Variants in PGAP6 observed in about 807,000 individuals in gnomAD.
PGAP6 encodes the protein post-GPI attachment to proteins factor 6.
PGAP6 carries 62 observed loss-of-function variants against 68.4 expected under a neutral mutation model. That is an observed-to-expected ratio of 0.91 (90% CI 0.74 to 1.12). The LOEUF (loss-of-function observed/expected upper bound fraction) is 1.12, where lower values mean the gene tolerates loss of function less well. Ranked by LOEUF, PGAP6 falls within the 50% of genes most tolerant of loss-of-function variation. The pLI, the probability that PGAP6 is intolerant of heterozygous loss-of-function variation, is 0.00. For missense variants in PGAP6, 1,188 were observed against 1,068.5 expected (o/e 1.11, Z -1.56); for synonymous variants, 575 against 474.0 (o/e 1.21, Z -2.77).
chr16:374,167 A>C lies in PGAP6; in HGVS notation c.1756-16T>G. 1 of 1,610,628 alleles carries C rather than the reference A, an allele frequency of 6.2e-7. No homozygotes were observed. The highest frequency in any genetic ancestry group is 8.5e-7 in the Non-Finnish European group (1 of 1,179,884). ...CGTGGTAGAACTGTGGGGAGGCTCC[A>C]TGAGCGCGGTCCTGCCCTCCCACCC... On this transcript the variant is annotated splice_polypyrimidine_tract_variant and intron_variant, in intron 10 of 12. Coordinates refer to ENST00000431232, the MANE Select transcript of PGAP6 (RefSeq NM_021259.3).
intron 11 of PGAP6, among the ~76,000 whole-genome samples, chr16:373,015 C>T (rs984900467): frequency 6.6e-6 from 1 of 152,200 alleles, no homozygotes; most frequent in Non-Finnish European, 1.5e-5. Context: ...TCTGCACCCA[C>T]ACACTCACTA....
rs1161976826 is a variant in PGAP6, at chr16:371,748, G to C, written c.*239C>G. 5.8e-6 allele frequency: 3 copies of C among 517,366 alleles called. No homozygotes were observed. Among genetic ancestry groups the C allele is most frequent in the South Asian group, 2.2e-5 (1 of 45,808 alleles). The allele number at this position is 517,366 out of a possible 1,614,324, so 32.0% of individuals were successfully genotyped here. On this transcript the variant is annotated 3_prime_UTR_variant, in exon 13 of 13. Coordinates refer to ENST00000431232, the MANE Select transcript of PGAP6 (RefSeq NM_021259.3). ...AAGTAACCAAGCCCAGGCCCCAGGG[G>C]CCACTGCAGACAGCAGCTGGGATCT...
Position 376,418 on chromosome 16 carries a change from C to T in PGAP6, c.942G>A (p.Leu314=). 1.3e-6 allele frequency: 2 copies of T among 1,594,174 alleles called. No individual in the cohort carries two copies. The highest frequency in any genetic ancestry group is 2.7e-5 in the African/African-American group (2 of 74,786). ...RPRSVTIQPL[L]QSSQNQSFNA... is the part of the protein sequence containing the mutation. ...TGAAGCTCTGGTTTTGGCTGCTCTG[C>T]AGAAGGGGCTGGATGGTCACGCTCC... The change falls in exon 6 of 13, where the codon CTG becomes CTA. Residue 314 remains leucine, a synonymous_variant. Transcript: ENST00000431232.
At chr16:377,190 G>C (rs374914274) in intron 3 of PGAP6, 26 bp from the exon 4 acceptor site, 18 of 1,612,326 alleles carry the variant, frequency 1.1e-5, no homozygotes, top group African/African-American at 1.3e-5. Flanking sequence ...GTGTGGGCGG[G>C]GGCGGTGTCA....
In PGAP6 at chr16:377,159, C is replaced by G. The variant is rs750301742; in HGVS notation, c.513G>C (p.Leu171Phe). Reference protein sequence around the residue: ...PSSQKIELKGLAPTCAYVFQP... With the variant: ...PSSQKIELKGFAPTCAYVFQP... Reference sequence around the variant, plus strand: ...GGAAGACGTAGGCACAGGTGGGAGCCAAGCCCTAGGGAAAGAACAGGTGTG... The same window carrying G: ...GGAAGACGTAGGCACAGGTGGGAGCGAAGCCCTAGGGAAAGAACAGGTGTG... The change falls in exon 4 of 13, where the codon TTG becomes TTC. Residue 171 changes from leucine to phenylalanine, a missense_variant. Physicochemically the swap from Leu to Phe is conservative, Grantham distance 22. Coordinates refer to ENST00000431232, the MANE Select transcript of PGAP6 (RefSeq NM_021259.3). 7.1e-5 allele frequency: 114 copies of G among 1,613,342 alleles called. No individual in the cohort carries two copies. The highest frequency in any genetic ancestry group is 9.7e-5 in the Non-Finnish European group (114 of 1,180,020).
chr16:378,332 G>A (rs796514784), intron 1 of PGAP6, among the ~76,000 whole-genome samples: 9 of 28,000 alleles, frequency 3.2e-4, no homozygotes, highest in Non-Finnish European at 5.2e-4. Context: ...ATCGCCACCC[G>A]CACTGCCATC....
chr16:378,346 ACTCTGACTGCCATC>A, intron 1 of PGAP6, among the ~76,000 whole-genome samples: 2 of 108,122 alleles, frequency 1.8e-5, no homozygotes, highest in Admixed American at 9.0e-5. Flanking sequence ...TGCCATCGCC[ACTCTGACTGCCATC>A]CCCACCCGCA....
At position 376,587 on chromosome 16, in the gene PGAP6, C is replaced by T; in HGVS notation, c.861G>A (p.Gly287=). The part of the protein sequence containing the change: ...WLQVTAESLV[G]PLGTVAFSAV... The stretch of plus-strand genomic sequence containing the variant: ...CACTGAAAGCCACTGTCCCGAGGGG[C>T]CCCACCAGGCTCTCAGCTGTCACTT... Residue 287 remains glycine (G), a synonymous_variant, in exon 5 of 13, where the codon GGG becomes GGA. Coordinates refer to ENST00000431232, the MANE Select transcript of PGAP6 (RefSeq NM_021259.3). 1 of 1,577,064 alleles carries T rather than the reference C, an allele frequency of 6.3e-7. No individual in the cohort carries two copies. Among genetic ancestry groups the T allele is most frequent in the Non-Finnish European group, 8.6e-7 (1 of 1,161,296 alleles).
In PGAP6 at chr16:374,246, T is replaced by C. The variant is rs2054359764; in HGVS notation, c.1730A>G (p.Tyr577Cys). The change falls in exon 10 of 13, where the codon TAC becomes TGC. Residue 577 changes from tyrosine (Y) to cysteine (C), a missense_variant. Transcript: ENST00000431232. Reference sequence around the variant, plus strand: ...CGTGGAGAAGAACATGGTGTAGGCGTAGACGGAGGCCTCCACCAGGAAGAA... The same window carrying C: ...CGTGGAGAAGAACATGGTGTAGGCGCAGACGGAGGCCTCCACCAGGAAGAA... Reference protein sequence around the residue: ...RRFFLVEASVYAYTMFFSTFY... With the variant: ...RRFFLVEASVCAYTMFFSTFY... 2 of 1,608,702 alleles carry C rather than the reference T, an allele frequency of 1.2e-6. No homozygotes were observed. Among genetic ancestry groups the C allele is most frequent in the East Asian group, 2.2e-5 (1 of 44,854 alleles).
At position 376,156 on chromosome 16, in the gene PGAP6, T is replaced by G; in HGVS notation, c.1204A>C (p.Ile402Leu). Residue 402 changes from isoleucine (I) to leucine (L), a missense_variant, in exon 6 of 13, where the codon ATC becomes CTC. Ile to Leu is a conservative substitution (Grantham distance 5, BLOSUM62 2). Coordinates refer to ENST00000431232, the MANE Select transcript of PGAP6 (RefSeq NM_021259.3). Reference sequence around the variant, plus strand: ...GGTACCTTGTTGGCCCGCAGGGAGATGGTGAGGGAACCCCCGCTGTCCATG... The same window carrying G: ...GGTACCTTGTTGGCCCGCAGGGAGAGGGTGAGGGAACCCCCGCTGTCCATG... ...TGMDSGGSLT[I>L]SLRANKTEMR... 5.0e-6 allele frequency: 8 copies of G among 1,605,498 alleles called. No individual in the cohort carries two copies. Among genetic ancestry groups the G allele is most frequent in the Non-Finnish European group, 6.8e-6 (8 of 1,174,758 alleles).
intron 6 of PGAP6, 100 bp from the exon 7 acceptor site, chr16:375,535 T>A (rs1597160265): frequency 1.4e-6 from 1 of 693,508 alleles, no homozygotes; most frequent in East Asian, 3.7e-5. Context: ...GTGCCTTTCT[T>A]TTTTTTTTTT....
Position 372,168 on chromosome 16 carries a change from A to G in PGAP6, c.2135T>C (p.Met712Thr), listed in dbSNP as rs141972304. The change falls in exon 13 of 13, where the codon ATG (methionine) becomes ACG (threonine). Residue 712 changes from methionine to threonine, a missense_variant. Coordinates refer to ENST00000431232, the MANE Select transcript of PGAP6 (RefSeq NM_021259.3). ...ASVGIAIYTS[M>T]MTSDNYYYTH... ...GTAGTAGTAGTTGTCGCTAGTCATC[A>G]TGGAGGTGTAGATGGCGATGCCCAC... 1.3e-3 allele frequency: 2,036 copies of G among 1,612,856 alleles called. 28 individuals carry two copies. The African/African-American group carries it at 0.023, about 19-fold the overall frequency.
chr16:380,765 C>A (rs2054429982), intron 1 of PGAP6, among the ~76,000 whole-genome samples: 1 of 145,938 alleles, frequency 6.9e-6, no homozygotes, highest in Non-Finnish European at 1.5e-5. Context: ...CCGAAAGAAA[C>A]AGGAGCTCAA....
At chr16:381,155 T>C (rs1014168804) in intron 1 of PGAP6, among the ~76,000 whole-genome samples, 5 of 151,982 alleles carry the variant, frequency 3.3e-5, no homozygotes, top group Non-Finnish European at 7.4e-5. Context: ...CCTCAGCCCC[T>C]CTTCCGCCAG....
In PGAP6 at chr16:379,649, C is replaced by G. The variant is rs531425705; in HGVS notation, c.122-1801G>C. 1.1e-3 allele frequency among the ~76,000 whole-genome samples: 162 copies of G among 152,322 alleles called. 1 individual carries two copies. The highest frequency in any genetic ancestry group is 2.4e-3 in the Admixed American group (36 of 15,308). On this transcript the variant is annotated intron_variant, in intron 1 of 12. Transcript: ENST00000431232. ...GGCAAAGCCCTCAGCCCCTCTGGCCCTGGAGCGCCAGCCTGAGGGCACCTA... is the reference window on the plus strand; with the variant it reads ...GGCAAAGCCCTCAGCCCCTCTGGCCGTGGAGCGCCAGCCTGAGGGCACCTA...
chr16:386,445 G>A (rs184463955), upstream of PGAP6, among the ~76,000 whole-genome samples: 52 of 152,048 alleles, frequency 3.4e-4, no homozygotes, highest in African/African-American at 1.1e-3. Flanking sequence ...ACTCCGCCCC[G>A]AGTTTCCTGA....
intron 1 of PGAP6, among the ~76,000 whole-genome samples, chr16:379,649 C>T (rs531425705): frequency 6.6e-6 from 1 of 152,206 alleles, no homozygotes; most frequent in Non-Finnish European, 1.5e-5. Context: ...CCCTCTGGCC[C>T]TGGAGCGCCA....
rs576154294 is a variant in PGAP6 at position 377,454 on chromosome 16, T to G, written c.431A>C (p.Asn144Thr). 9.9e-6 allele frequency: 16 copies of G among 1,610,708 alleles called. 1 individual carries two copies. The Admixed American group carries it at 2.5e-4, about 25-fold the overall frequency. The change falls in exon 3 of 13, where the codon AAC (asparagine) becomes ACC (threonine). Residue 144 changes from asparagine to threonine, a missense_variant. Asn to Thr is a moderately conservative substitution (Grantham distance 65). Coordinates refer to ENST00000431232, the MANE Select transcript of PGAP6 (RefSeq NM_021259.3). ...STTPRSNASVNVSHPAPGDWF... is the reference protein window; with the variant it reads ...STTPRSNASVTVSHPAPGDWF... ...GTCCCCGGGGGCCGGGTGGGAAACGTTGACGGAGGCATTGCTTCTCGGTGT... is the reference window on the plus strand; with the variant it reads ...GTCCCCGGGGGCCGGGTGGGAAACGGTGACGGAGGCATTGCTTCTCGGTGT...
In PGAP6 at chr16:374,339, G is replaced by A. The variant is rs779032167; in HGVS notation, c.1637C>T (p.Ala546Val). The change falls in exon 10 of 13, where the codon GCG becomes GTG. Residue 546 changes from alanine (A) to valine (V), a missense_variant. Transcript: ENST00000431232. ...GCTGAGCGTGAGCAGCAGTGTGGCCGCCCTCTGCTGGGCCACCGTCTGGGC... is the reference window on the plus strand; with the variant it reads ...GCTGAGCGTGAGCAGCAGTGTGGCCACCCTCTGCTGGGCCACCGTCTGGGC... Reference protein sequence around the residue: ...STAQTVAQQRAATLLLTLSNL... With the variant: ...STAQTVAQQRVATLLLTLSNL... 3.6e-5 allele frequency: 57 copies of A among 1,602,834 alleles called. No homozygotes were observed. In the South Asian group the frequency reaches 3.6e-4, roughly 10 times the overall value.
Sources: allele counts gnomAD v4.1 joint callset (sites outside exome capture counted in the v4.1 genomes callset), GRCh38; gene constraint gnomAD v4.1.1; transcripts MANE v1.5; gene names NCBI Gene and HGNC (gene_info 2026-07-23, HGNC 2026-07-21).